The following BMP2K variants were observed in gnomAD, a reference collection of about 807,000 sequenced individuals.
BMP2K encodes BMP2 inducible kinase, also known as BMP-2-inducible protein kinase.
Under a neutral mutation model 116.0 loss-of-function variants are expected in BMP2K, and 74 were observed. The ratio of observed to expected loss-of-function variants is 0.64; its 90% CI spans 0.53 to 0.77. The LOEUF (loss-of-function observed/expected upper bound fraction) is 0.77. BMP2K is among the 30% of genes least tolerant of loss of function. BMP2K has a pLI of 0.00. For missense variants in BMP2K, 1,365 were observed against 1,403.6 expected (o/e 0.97, Z 0.44); for synonymous variants, 486 against 502.5 (o/e 0.97, Z 0.44).
At chr4:78,848,634 A>C (rs570924515) in intron 6 of BMP2K, among the ~76,000 whole-genome samples, 1 of 151,510 alleles carries the variant, frequency 6.6e-6, no homozygotes, top group Non-Finnish European at 1.5e-5. Flanking sequence ...TCTTAACAAA[A>C]AAGGAGGAGA....
At chr4:78,847,838 A>G (rs1008721141) in intron 6 of BMP2K, among the ~76,000 whole-genome samples, 1 of 151,654 alleles carries the variant, frequency 6.6e-6, no homozygotes, top group African/African-American at 2.4e-5. Context: ...AACTTATTTT[A>G]TAAATACGTT....
At chr4:78,871,091 T>G (rs752991478) in intron 11 of BMP2K, 31 bp downstream of exon 11, 12 of 1,592,766 alleles carry the variant, frequency 7.5e-6, no homozygotes, top group Non-Finnish European at 9.4e-6. Flanking sequence ...GATATGGAAG[T>G]AGTGTGAAAT....
chr4:78,865,195 A>T (rs181867111), intron 9 of BMP2K, among the ~76,000 whole-genome samples: 322 of 152,278 alleles, frequency 2.1e-3, no homozygotes, highest in African/African-American at 7.4e-3. Flanking sequence ...TATTTCCCTG[A>T]CAAGTTCAGA....
At chr4:78,851,079 GA>G in intron 7 of BMP2K, 23 bp downstream of exon 7, 1 of 1,593,220 alleles carries the variant, frequency 6.3e-7, no homozygotes, top group South Asian at 1.1e-5. Flanking sequence ...GAAAATGTAT[GA>G]AAATATTGTA....
chr4:78,796,074 A>G (rs1728252057), intron 1 of BMP2K, among the ~76,000 whole-genome samples: 1 of 152,116 alleles, frequency 6.6e-6, no homozygotes, highest in South Asian at 2.1e-4. Flanking sequence ...TCATGCTGCT[A>G]TAAAGACACA....
At chr4:78,864,064 A>G (rs1731926552) in intron 9 of BMP2K, among the ~76,000 whole-genome samples, 2 of 152,168 alleles carry the variant, frequency 1.3e-5, no homozygotes, top group African/African-American at 4.8e-5. Context: ...TAAATGTACA[A>G]TACATATTAC....
chr4:78,876,550 T>C (rs1246174882), intron 13 of BMP2K, among the ~76,000 whole-genome samples: 1 of 152,206 alleles, frequency 6.6e-6, no homozygotes, highest in Non-Finnish European at 1.5e-5. Context: ...AGGGATTAAA[T>C]AGACGACTTT....
intron 14 of BMP2K, among the ~76,000 whole-genome samples, chr4:78,886,494 C>T (rs1403883011): frequency 6.6e-6 from 1 of 152,182 alleles, no homozygotes; most frequent in African/African-American, 2.4e-5. Context: ...ATATAAACTG[C>T]ATAAGGGCAG....
chr4:78,805,050 T>A (rs1487751778), intron 1 of BMP2K, among the ~76,000 whole-genome samples: 25 of 152,194 alleles, frequency 1.6e-4, no homozygotes, highest in Non-Finnish European at 4.4e-5. Flanking sequence ...TTTTAGCTCT[T>A]ATTTAGGTCT....
At chr4:78,852,644 G>GC (rs1242690062) in intron 7 of BMP2K, among the ~76,000 whole-genome samples, 1 of 151,794 alleles carries the variant, frequency 6.6e-6, no homozygotes, top group African/African-American at 2.4e-5. Context: ...TCATTCTGTG[G>GC]CCCAGGACCT....
At chr4:78,826,189 T>C in intron 2 of BMP2K, 34 bp downstream of exon 2, 2 of 1,548,408 alleles carry the variant, frequency 1.3e-6, no homozygotes, top group Non-Finnish European at 1.8e-6. Flanking sequence ...TCAGAAATTT[T>C]GCAAGTTTTT....
chr4:78,879,631 G>A lies in BMP2K; in HGVS notation c.1951+740G>A, dbSNP rs34378582. ...AATTTTCAGGTTTCTGAGGCTTTGT[G>A]TGTGTGTGTGTGTGTGCACGCGCAT... On this transcript the variant is annotated intron_variant, in intron 14 of 15. Transcript: ENST00000502613. 443 of 157,742 alleles carry A rather than the reference G, an allele frequency of 2.8e-3. 3 individuals are homozygous for A. The highest frequency in any genetic ancestry group is 7.2e-3 in the Admixed American group (110 of 15,268). 9.8% of individuals were successfully genotyped at this position (157,742 alleles called of 1,614,324 possible). A position where few individuals can be genotyped will look rare whatever the true frequency, so the allele number is the denominator to read the frequency against.
chr4:78,854,511 G>T (rs2110037659), intron 7 of BMP2K, among the ~76,000 whole-genome samples: 1 of 152,058 alleles, frequency 6.6e-6, no homozygotes, highest in Non-Finnish European at 1.5e-5. Flanking sequence ...TGACCTCAGT[G>T]ATCTGCCTGC....
chr4:78,826,710 T>C (rs1025634218), intron 2 of BMP2K, among the ~76,000 whole-genome samples: 6 of 152,160 alleles, frequency 3.9e-5, no homozygotes, highest in Non-Finnish European at 7.3e-5. Flanking sequence ...GTATGTAAAA[T>C]GTAGTATTTG....
At chr4:78,861,497 G>T in intron 9 of BMP2K, 29 bp downstream of exon 9, 2 of 1,541,352 alleles carry the variant, frequency 1.3e-6, no homozygotes, top group African/African-American at 2.8e-5. Flanking sequence ...AAATTGAAAA[G>T]GCATTAAAAA....
At chr4:78,830,274 G>T (rs1730146082) in intron 2 of BMP2K, among the ~76,000 whole-genome samples, 1 of 152,108 alleles carries the variant, frequency 6.6e-6, no homozygotes, top group Non-Finnish European at 1.5e-5. Context: ...CTTTTTTTCT[G>T]AGCAGTAGAT....
chr4:78,798,095 G>A (rs779961195), intron 1 of BMP2K, among the ~76,000 whole-genome samples: 1 of 152,150 alleles, frequency 6.6e-6, no homozygotes, highest in Non-Finnish European at 1.5e-5. Flanking sequence ...GGTATTACAG[G>A]CATGAGCCAC....
chr4:78,834,734 C>T (rs1302951811), intron 3 of BMP2K, among the ~76,000 whole-genome samples: 2 of 151,810 alleles, frequency 1.3e-5, no homozygotes, highest in East Asian at 1.9e-4. Context: ...CTGAAGGTTG[C>T]GGAAAAAGAG....
intron 1 of BMP2K, among the ~76,000 whole-genome samples, chr4:78,789,784 G>A (rs950813048): frequency 1.3e-5 from 2 of 152,204 alleles, no homozygotes; most frequent in African/African-American, 4.8e-5. Flanking sequence ...AAAGTATGTA[G>A]CGTAAAGGTG....
Sources: allele counts gnomAD v4.1 joint callset (sites outside exome capture counted in the v4.1 genomes callset), GRCh38; gene constraint gnomAD v4.1.1; transcripts MANE v1.5; gene names NCBI Gene and HGNC (gene_info 2026-07-23, HGNC 2026-07-21).